The following MED15 variants were observed in gnomAD, a reference collection of about 807,000 sequenced individuals.
The protein encoded by MED15 is mediator of RNA polymerase II transcription subunit 15.
Under a neutral mutation model 118.7 loss-of-function variants are expected in MED15, and 41 were observed. The ratio of observed to expected loss-of-function variants is 0.35; its 90% confidence interval spans 0.27 to 0.45. The LOEUF (loss-of-function observed/expected upper bound fraction) is 0.45. Ranked by LOEUF, MED15 falls within the 20% of genes least tolerant of loss-of-function variation. The pLI, the probability that MED15 is intolerant of heterozygous loss-of-function variation, is 1.00. For missense variants in MED15, 740 were observed against 1,025.5 expected, an observed-to-expected ratio of 0.72 and a Z score of 3.80; for synonymous variants, 436 against 413.9, an observed-to-expected ratio of 1.05 and a Z score of -0.65.
intron 6 of MED15, among the ~76,000 whole-genome samples, chr22:20,564,907 G>T (rs1465079872): frequency 6.6e-6 from 1 of 152,176 alleles, no homozygotes; most frequent in Non-Finnish European, 1.5e-5. Context: ...AAGGCAGGCG[G>T]ATCATCAGGA....
chr22:20,539,187 C>A (rs1163878115), intron 2 of MED15, among the ~76,000 whole-genome samples: 1 of 152,130 alleles, frequency 6.6e-6, no homozygotes, highest in East Asian at 1.9e-4. Flanking sequence ...CAACCTCCAC[C>A]CACTGGGTTC....
chr22:20,573,844 T>A (rs2056741765), intron 8 of MED15: 1 of 152,234 alleles, frequency 6.6e-6, no homozygotes, highest in African/African-American at 2.4e-5. Flanking sequence ...GACGGGCTCC[T>A]CCGAAGTGCC....
chr22:20,508,934 C>G (rs1415615150), intron 1 of MED15, among the ~76,000 whole-genome samples: 1 of 152,172 alleles, frequency 6.6e-6, no homozygotes, highest in Non-Finnish European at 1.5e-5. Flanking sequence ...ACAGCGCAGT[C>G]TTGTCAGTCT....
At position 20,554,943 on chromosome 22, in the gene MED15, G is replaced by A. The variant is rs2055930821; in HGVS notation, c.246G>A (p.Met82Ile). 6.2e-7 allele frequency: 1 copy of A among 1,604,306 alleles called. No individual in the cohort carries two copies. Among genetic ancestry groups the A allele is most frequent in the African/African-American group, 1.3e-5 (1 of 74,862 alleles). ...KKSQASVSDP[M>I]NALQSLTGGP... Reference sequence around the variant, plus strand: ...GCCCTTGTGTTCCCACAGATCCTATGAATGCACTCCAGAGCCTGACTGGCG... The same window carrying A: ...GCCCTTGTGTTCCCACAGATCCTATAAATGCACTCCAGAGCCTGACTGGCG... Residue 82 changes from methionine to isoleucine, a missense_variant, in exon 5 of 18, where the codon ATG becomes ATA. Around this residue, in one of 7 missense-constraint regions of MED15, gnomAD observed 117 missense variants for 124.6 expected, o/e 0.94. Coordinates refer to ENST00000263205, the MANE Select transcript of MED15 (RefSeq NM_001003891.3).
chr22:20,523,584 A>C, intron 1 of MED15: 1 of 913,712 alleles, frequency 1.1e-6, no homozygotes, highest in South Asian at 5.0e-5. Context: ...CCCCACCCCC[A>C]CCAAATACCA....
Position 20,585,025 on chromosome 22 carries a change from G to C in MED15, c.1964+10G>C. The C allele has an allele frequency of 6.2e-7, 1 of 1,613,898 alleles. No individual in the cohort carries two copies. The highest frequency in any genetic ancestry group is 8.5e-7 in the Non-Finnish European group (1 of 1,179,946). ...ACGGCCCACCCATCACGTATGTCCAGCTGGGCTGGGCTTTGCGGAGGGCGG... is the reference window on the plus strand; with the variant it reads ...ACGGCCCACCCATCACGTATGTCCACCTGGGCTGGGCTTTGCGGAGGGCGG... On this transcript the variant is annotated intron_variant, in intron 15 of 17. Transcript: ENST00000263205.
intron 5 of MED15, among the ~76,000 whole-genome samples, chr22:20,561,555 A>G (rs1034554656): frequency 6.6e-6 from 1 of 152,118 alleles, no homozygotes; most frequent in East Asian, 1.9e-4. Context: ...ATATTAATAG[A>G]AAATAAGTTT....
intron 9 of MED15, chr22:20,582,329 C>T: frequency 1.8e-6 from 1 of 542,150 alleles, no homozygotes; most frequent in Non-Finnish European, 3.3e-6. Flanking sequence ...TTTCCTCACA[C>T]TCCCACGACA....
At chr22:20,583,435 A>C (rs758137298) in intron 13 of MED15, 42 bp downstream of exon 13, 2 of 1,606,714 alleles carry the variant, frequency 1.2e-6, no homozygotes, top group South Asian at 2.2e-5. Flanking sequence ...ACAAGGGCAC[A>C]GATAGCCCAG....
intron 1 of MED15, among the ~76,000 whole-genome samples, chr22:20,513,745 G>A (rs1194996431): frequency 1.3e-5 from 2 of 152,210 alleles, no homozygotes; most frequent in East Asian, 1.9e-4. Flanking sequence ...GCAGGAGTAG[G>A]AGATCTATAG....
chr22:20,558,473 C>T (rs2146548607), intron 5 of MED15, among the ~76,000 whole-genome samples: 1 of 152,290 alleles, frequency 6.6e-6, no homozygotes, highest in South Asian at 2.1e-4. Flanking sequence ...GAGTTGGAAG[C>T]AAAGCTTTTC....
intron 9 of MED15, among the ~76,000 whole-genome samples, chr22:20,577,400 C>CTCCT (rs1281725357): frequency 6.6e-6 from 1 of 150,812 alleles, no homozygotes; most frequent in Non-Finnish European, 1.5e-5. Context: ...CAGGCAGCCC[C>CTCCT]TCCCTCCCTC....
intron 2 of MED15, among the ~76,000 whole-genome samples, chr22:20,546,904 G>A (rs2055566123): frequency 6.6e-6 from 1 of 152,136 alleles, no homozygotes; most frequent in Non-Finnish European, 1.5e-5. Flanking sequence ...ATGCTACGTG[G>A]GCGCTGGTCT....
intron 5 of MED15, among the ~76,000 whole-genome samples, chr22:20,555,988 G>A (rs1265484911): frequency 1.3e-5 from 2 of 152,252 alleles, no homozygotes; most frequent in African/African-American, 4.8e-5. Flanking sequence ...CTCCCAAAGT[G>A]TTGGGATTAC....
intron 1 of MED15, among the ~76,000 whole-genome samples, chr22:20,517,066 A>G (rs191946657): frequency 2.6e-5 from 4 of 151,074 alleles, no homozygotes; most frequent in South Asian, 2.1e-4. Context: ...AGTAGCTGGG[A>G]CTAAGGGTAG....
At chr22:20,564,322 C>T (rs950570370) in intron 5 of MED15, 128 bp from the exon 6 acceptor site, 8 of 1,473,688 alleles carry the variant, frequency 5.4e-6, no homozygotes, top group South Asian at 1.3e-5. Context: ...GTAAATGGAA[C>T]GTTCAGATTC....
chr22:20,551,344 C>A, intron 2 of MED15, 92 bp from the exon 3 acceptor site: 1 of 1,182,252 alleles, frequency 8.5e-7, no homozygotes, highest in Non-Finnish European at 1.3e-6. Context: ...TGGGCTTCAG[C>A]TCGGTGCCAG....
chr22:20,548,355 G>C (rs990822946), intron 2 of MED15, among the ~76,000 whole-genome samples: 7 of 152,172 alleles, frequency 4.6e-5, no homozygotes, highest in East Asian at 1.9e-4. Context: ...AGTAGAGATG[G>C]AGTTTCACCA....
chr22:20,551,941 C>T lies in MED15; in HGVS notation c.208+454C>T, dbSNP rs185444353. Among the ~76,000 whole-genome samples the T allele has an allele frequency of 2.6e-3, 398 of 152,334 alleles. 1 individual carries two copies. The highest frequency in any genetic ancestry group is 8.9e-3 in the African/African-American group (372 of 41,582). ...CCTCCTGAGTCTGCACCCTGGCTCCCTGCTGTGCTGAGGGCCCCCGTGTTA... is the reference window on the plus strand; with the variant it reads ...CCTCCTGAGTCTGCACCCTGGCTCCTTGCTGTGCTGAGGGCCCCCGTGTTA... On this transcript the variant is annotated intron_variant, in intron 3 of 17. Transcript: ENST00000263205.
Sources: allele counts gnomAD v4.1 joint callset (sites outside exome capture counted in the v4.1 genomes callset), GRCh38; gene constraint gnomAD v4.1.1; regional missense constraint gnomAD v4.1.1; transcripts MANE v1.5; gene names NCBI Gene and HGNC (gene_info 2026-07-23, HGNC 2026-07-21).